Variants in LIPC observed in about 807,000 individuals in gnomAD.
The protein encoded by LIPC is hepatic triacylglycerol lipase.
LIPC carries 44 observed loss-of-function variants against 50.7 expected under a neutral mutation model. That is an observed-to-expected ratio of 0.87 (90% CI 0.68 to 1.11). LIPC has a LOEUF of 1.11. Among genes scored for constraint, LIPC ranks in the 50% most tolerant of loss-of-function variants. LIPC has a pLI of 0.00. For missense variants in LIPC, 697 were observed against 648.2 expected, an observed-to-expected ratio of 1.08 and a Z score of -0.82; for synonymous variants, 271 against 256.4, an observed-to-expected ratio of 1.06 and a Z score of -0.54.
chr15:58,467,539 T>G (rs1595873803), intron 1 of LIPC, among the ~76,000 whole-genome samples: 1 of 152,182 alleles, frequency 6.6e-6, no homozygotes, highest in East Asian at 1.9e-4. Context: ...GATCCGGTAC[T>G]AGGCCTTCTG....
chr15:58,538,606 A>G, intron 2 of LIPC, 89 bp downstream of exon 2: 1 of 1,321,598 alleles, frequency 7.6e-7, no homozygotes, highest in African/African-American at 1.4e-5. Context: ...AAAGATAGGG[A>G]GCTGGTGATA....
chr15:58,544,118 G>T (rs976535997), intron 4 of LIPC, among the ~76,000 whole-genome samples: 2 of 152,138 alleles, frequency 1.3e-5, no homozygotes, highest in Non-Finnish European at 2.9e-5. Flanking sequence ...CCGGCGTGTG[G>T]CCCCCATGGA....
intron 1 of LIPC, among the ~76,000 whole-genome samples, chr15:58,481,379 A>T (rs1194015585): frequency 6.6e-6 from 1 of 152,258 alleles, no homozygotes; most frequent in Non-Finnish European, 1.5e-5. Flanking sequence ...CATGTATGAG[A>T]AAAGTCATTG....
At chr15:58,495,536 C>G (rs111442196) in intron 1 of LIPC, among the ~76,000 whole-genome samples, 1 of 152,248 alleles carries the variant, frequency 6.6e-6, no homozygotes, top group Non-Finnish European at 1.5e-5. Flanking sequence ...CAAGTACTTG[C>G]TCTGTGTGCC....
At chr15:58,432,354 C>T (rs575987995) in intron 1 of LIPC, 1 of 569,776 alleles carries the variant, frequency 1.8e-6, no homozygotes, top group East Asian at 3.0e-5. Flanking sequence ...CTGCAGCTAG[C>T]AGTGAAGTCT....
At chr15:58,566,310 T>C (rs900440006) in intron 8 of LIPC, 1 of 985,424 alleles carries the variant, frequency 1.0e-6, no homozygotes. Flanking sequence ...GGCAAAGCAA[T>C]ATGGCTGGCA....
At chr15:58,552,654 G>A (rs1408126763) in intron 6 of LIPC, among the ~76,000 whole-genome samples, 1 of 152,232 alleles carries the variant, frequency 6.6e-6, no homozygotes, top group African/African-American at 2.4e-5. Context: ...TCGGCGAGAT[G>A]ACGAGCCAAG....
At chr15:58,568,427 A>T (rs531891247) in intron 8 of LIPC, among the ~76,000 whole-genome samples, 16 of 152,346 alleles carry the variant, frequency 1.1e-4, no homozygotes, top group African/African-American at 3.8e-4. Context: ...CAAATCTTCG[A>T]TGAGCTGTCA....
chr15:58,482,449 C>T (rs1305234615), intron 1 of LIPC, among the ~76,000 whole-genome samples: 4 of 152,102 alleles, frequency 2.6e-5, no homozygotes, highest in African/African-American at 7.2e-5. Flanking sequence ...TGGAGTCAGA[C>T]AAACCTGAGT....
chr15:58,433,042 G>T (rs1165719474), intron 1 of LIPC, among the ~76,000 whole-genome samples: 17 of 152,168 alleles, frequency 1.1e-4, no homozygotes, highest in Admixed American at 9.2e-4. Flanking sequence ...TTACTTCATA[G>T]GCCAGTTAAT....
intron 3 of LIPC, 109 bp from the exon 4 acceptor site, chr15:58,542,425 A>G: frequency 1.3e-6 from 1 of 788,276 alleles, no homozygotes; most frequent in Non-Finnish European, 2.3e-6. Flanking sequence ...AAGGCACCTC[A>G]TTTCTGAGCA....
intron 1 of LIPC, among the ~76,000 whole-genome samples, chr15:58,462,499 A>G (rs1289124694): frequency 6.6e-6 from 1 of 152,068 alleles, no homozygotes; most frequent in Non-Finnish European, 1.5e-5. Context: ...AATCCATCCA[A>G]TTGGTTTAGA....
At chr15:58,441,993 G>A (rs957975828) in intron 1 of LIPC, among the ~76,000 whole-genome samples, 2 of 152,154 alleles carry the variant, frequency 1.3e-5, no homozygotes, top group Non-Finnish European at 2.9e-5. Flanking sequence ...TCTGGCTGAC[G>A]GCAGAGCTGG....
At chr15:58,548,729 C>T (rs1268461220) in intron 6 of LIPC, among the ~76,000 whole-genome samples, 157 bp downstream of exon 6, 1 of 152,194 alleles carries the variant, frequency 6.6e-6, no homozygotes, top group Non-Finnish European at 1.5e-5. Context: ...GTTGACACAG[C>T]CTTTCTCCTG....
intron 1 of LIPC, among the ~76,000 whole-genome samples, chr15:58,453,765 G>C (rs1039068141): frequency 6.6e-6 from 1 of 151,716 alleles, no homozygotes; most frequent in Non-Finnish European, 1.5e-5. Context: ...GCCAGGCCTG[G>C]TATAGTCCTA....
intron 6 of LIPC, among the ~76,000 whole-genome samples, chr15:58,555,728 G>A (rs570931308): frequency 4.6e-5 from 7 of 152,288 alleles, no homozygotes; most frequent in East Asian, 1.9e-4. Flanking sequence ...GGACTGAGGC[G>A]ACTCCCTGCC....
chr15:58,563,686 A>C lies in LIPC; in HGVS notation c.1351A>C (p.Lys451Gln), dbSNP rs1399920418. The C allele has an allele frequency of 6.2e-7, 1 of 1,613,766 alleles. No individual in the cohort carries two copies. Among genetic ancestry groups the C allele is most frequent in the South Asian group, 1.1e-5 (1 of 91,044 alleles). The change falls in exon 8 of 9, where the codon AAG (lysine) becomes CAG (glutamine). Residue 451 changes from lysine (K) to glutamine (Q), a missense_variant. By Grantham distance (53) the Lys-to-Gln change is moderately conservative (BLOSUM62 1). Transcript: ENST00000299022. The stretch of plus-strand genomic sequence containing the variant: ...GCCGCGCCACTCAGGCCTCGTTCTG[A>C]AGACGATCAGAGTCAAAGCAGGAGA... Reference protein sequence around the residue: ...TGPRHSGLVLKTIRVKAGETQ... With the variant: ...TGPRHSGLVLQTIRVKAGETQ...
At chr15:58,536,784 C>T (rs1261494625) in intron 1 of LIPC, among the ~76,000 whole-genome samples, 1 of 152,188 alleles carries the variant, frequency 6.6e-6, no homozygotes, top group Admixed American at 6.5e-5. Context: ...AAATATGATG[C>T]ATTTCATTCT....
At chr15:58,524,056 T>C (rs1432914723) in intron 1 of LIPC, among the ~76,000 whole-genome samples, 2 of 152,060 alleles carry the variant, frequency 1.3e-5, no homozygotes, top group South Asian at 2.1e-4. Flanking sequence ...ACGATGTCCA[T>C]ATCCATTCCC....
Sources: allele counts gnomAD v4.1 joint callset (sites outside exome capture counted in the v4.1 genomes callset), GRCh38; gene constraint gnomAD v4.1.1; transcripts MANE v1.5; gene names NCBI Gene and HGNC (gene_info 2026-07-23, HGNC 2026-07-21).